The following AFF3 variants were observed in gnomAD, a reference collection of about 807,000 sequenced individuals.
AFF3 encodes the protein ALF transcription elongation factor 3, also known as AF4/FMR2 family member 3.
AFF3 carries 32 observed loss-of-function variants against 129.7 expected under a neutral mutation model. The ratio of observed to expected loss-of-function variants is 0.25; its 90% CI spans 0.19 to 0.33. The LOEUF (loss-of-function observed/expected upper bound fraction) is 0.33. AFF3 is among the 10% of genes least tolerant of loss of function. The pLI is 1.00. For synonymous variants in AFF3, 644 were observed against 635.4 expected, an observed-to-expected ratio of 1.01 and a Z score of -0.20; for missense variants, 1,373 against 1,592.0, an observed-to-expected ratio of 0.86 and a Z score of 2.34.
At chr2:99,681,097 C>T (rs1474623640) in intron 11 of AFF3, among the ~76,000 whole-genome samples, 1 of 152,030 alleles carries the variant, frequency 6.6e-6, no homozygotes, top group African/African-American at 2.4e-5. Context: ...CCCTAGGGAG[C>T]TGATTCATGG....
At chr2:99,700,372 G>T (rs184924760) in intron 11 of AFF3, among the ~76,000 whole-genome samples, 1 of 152,298 alleles carries the variant, frequency 6.6e-6, no homozygotes, top group Admixed American at 6.5e-5. Context: ...ACCTGCCTTG[G>T]CCTCCTACAG....
chr2:99,882,855 C>T (rs1164243013), intron 7 of AFF3, among the ~76,000 whole-genome samples: 2 of 152,184 alleles, frequency 1.3e-5, no homozygotes, highest in African/African-American at 4.8e-5. Context: ...TTGACGGGCA[C>T]ATCAATTGGT....
At chr2:99,867,158 G>A (rs372778564) in intron 7 of AFF3, among the ~76,000 whole-genome samples, 95 of 152,042 alleles carry the variant, frequency 6.2e-4, no homozygotes, top group African/African-American at 2.3e-3. Flanking sequence ...TCAACATAAG[G>A]TGTAGCCATT....
chr2:99,862,899 ACT>A (rs1691100313), intron 7 of AFF3, among the ~76,000 whole-genome samples: 1 of 152,152 alleles, frequency 6.6e-6, no homozygotes. Flanking sequence ...ATTCCACACT[ACT>A]CTCTACTCCA....
intron 2 of AFF3, chr2:100,106,065 A>G (rs1342783694): frequency 2.3e-6 from 3 of 1,309,480 alleles, no homozygotes; most frequent in Non-Finnish European, 3.0e-6. Flanking sequence ...AACAAACTCA[A>G]TTCAGGACAC....
intron 13 of AFF3, among the ~76,000 whole-genome samples, chr2:99,615,694 T>C (rs923564117): frequency 4.6e-5 from 7 of 152,200 alleles, no homozygotes; most frequent in African/African-American, 1.7e-4. Flanking sequence ...GCTGCCTCTT[T>C]GGAGGCTGAG....
chr2:99,649,559 T>C, intron 13 of AFF3, 67 bp downstream of exon 13: 3 of 1,517,078 alleles, frequency 2.0e-6, no homozygotes, highest in East Asian at 4.5e-5. Context: ...ATGAATTATA[T>C]GCCACAATAA....
chr2:100,001,120 G>A (rs752632387), intron 7 of AFF3, among the ~76,000 whole-genome samples: 1 of 152,154 alleles, frequency 6.6e-6, no homozygotes, highest in Non-Finnish European at 1.5e-5. Flanking sequence ...GCATTCCGGG[G>A]GAGAAAGCTT....
At chr2:100,109,990 T>C (rs986227078) in intron 2 of AFF3, 1 of 152,214 alleles carries the variant, frequency 6.6e-6, no homozygotes, top group African/African-American at 2.4e-5. Flanking sequence ...GAGAGAGCCC[T>C]CTACCCCTCT....
chr2:99,727,190 G>A, intron 10 of AFF3, 62 bp from the exon 11 acceptor site: 1 of 1,424,290 alleles, frequency 7.0e-7, no homozygotes, highest in Non-Finnish European at 9.7e-7. Context: ...AGATTTAAGA[G>A]AGATTAAATA....
In AFF3 at chr2:100,104,392, G is replaced by A; in HGVS notation, c.53+10C>T. ...CCCGCCCGCCCGAAGCGGCCGGCAC[G>A]GGGACTTACCACAGTGACTCGAGGT... On this transcript the variant is annotated intron_variant, in intron 4 of 24. Transcript: ENST00000672756. 1.7e-6 allele frequency: 2 copies of A among 1,168,714 alleles called. No homozygotes were observed. Among genetic ancestry groups the A allele is most frequent in the East Asian group, 6.9e-5 (1 of 14,594 alleles). The allele number at this position is 1,168,714 out of a possible 1,614,324, so 72.4% of individuals were successfully genotyped here. A position where few individuals can be genotyped will look rare whatever the true frequency, so the allele number is the denominator to read the frequency against.
intron 4 of AFF3, among the ~76,000 whole-genome samples, chr2:100,075,922 G>C (rs1360693354): frequency 1.3e-5 from 2 of 152,150 alleles, no homozygotes; most frequent in Non-Finnish European, 2.9e-5. Context: ...GGCTACTTAA[G>C]ACACAGCCAC....
intron 8 of AFF3, among the ~76,000 whole-genome samples, chr2:99,810,440 A>G (rs1686699583): frequency 6.6e-6 from 1 of 152,214 alleles, no homozygotes; most frequent in African/African-American, 2.4e-5. Context: ...AGAGCAATAA[A>G]CCTATTGCTT....
intron 8 of AFF3, among the ~76,000 whole-genome samples, chr2:99,785,010 C>T (rs1684687747): frequency 6.6e-6 from 1 of 152,174 alleles, no homozygotes; most frequent in Admixed American, 6.5e-5. Context: ...TAAACCATTG[C>T]ATGTTGCTGA....
chr2:99,857,693 C>T (rs1355235862), intron 7 of AFF3, among the ~76,000 whole-genome samples: 1 of 152,170 alleles, frequency 6.6e-6, no homozygotes, highest in Non-Finnish European at 1.5e-5. Flanking sequence ...CATCCTTCAA[C>T]CCTACTCAAT....
chr2:100,061,860 G>GC (rs922406616), intron 4 of AFF3, among the ~76,000 whole-genome samples: 23 of 151,110 alleles, frequency 1.5e-4, no homozygotes, highest in African/African-American at 4.9e-4. Flanking sequence ...ACAGTGGAGG[G>GC]GGGGGGGGTG....
At chr2:100,079,120 G>T (rs1332753545) in intron 4 of AFF3, among the ~76,000 whole-genome samples, 2 of 151,748 alleles carry the variant, frequency 1.3e-5, no homozygotes, top group Non-Finnish European at 2.9e-5. Context: ...CTAATTTTTT[G>T]TATTTTTAGT....
chr2:99,557,636 T>C (rs1484969739), intron 22 of AFF3, among the ~76,000 whole-genome samples: 3 of 152,212 alleles, frequency 2.0e-5, no homozygotes, highest in Non-Finnish European at 2.9e-5. Flanking sequence ...ACTATTGATG[T>C]TGACTTTAGG....
chr2:99,712,480 TCTC>T (rs765271704), intron 11 of AFF3, among the ~76,000 whole-genome samples: 2 of 152,182 alleles, frequency 1.3e-5, no homozygotes, highest in East Asian at 1.9e-4. Context: ...GCCATTTCCT[TCTC>T]CTTCCTCACT....
Sources: gnomAD v4.1 joint callset for allele counts (sites outside exome capture counted in the v4.1 genomes callset) on GRCh38, gnomAD v4.1.1 for gene constraint, MANE v1.5 for transcripts, NCBI Gene and HGNC (gene_info 2026-07-23, HGNC 2026-07-21) for gene names.